ADGRV1: variants seen among roughly 807,000 people sequenced by gnomAD.
ADGRV1 encodes G-protein coupled receptor 98.
A neutral mutation model predicts 596.2 loss-of-function variants in ADGRV1; 359 were observed. That is an observed-to-expected ratio of 0.60 (90% CI 0.55 to 0.66). ADGRV1 has a LOEUF of 0.66. ADGRV1 is among the 30% of genes least tolerant of loss of function. The pLI is 0.00. For missense variants in ADGRV1, 7,274 were observed against 7,575.6 expected (o/e 0.96, Z 1.48); for synonymous variants, 2,681 against 2,679.2 (o/e 1.00, Z -0.02).
chr5:90,724,164 A>G (rs1318417274), intron 45 of ADGRV1, among the ~76,000 whole-genome samples: 1 of 152,180 alleles, frequency 6.6e-6, no homozygotes, highest in Admixed American at 6.5e-5. Context: ...TTATATTTTC[A>G]TCAGCTTTAC....
chr5:90,833,891 CTCT>C (rs1297071481), intron 77 of ADGRV1, among the ~76,000 whole-genome samples: 7 of 152,202 alleles, frequency 4.6e-5, no homozygotes, highest in African/African-American at 1.7e-4. Context: ...TTATATCATT[CTCT>C]TGTCTGATTG....
At position 91,147,782 on chromosome 5, in the gene ADGRV1, G is replaced by A. The variant is rs189451872; in HGVS notation, c.18433-2248G>A. 2.0e-5 allele frequency among the ~76,000 whole-genome samples: 3 copies of A among 152,268 alleles called. No homozygotes were observed. In the East Asian group the frequency reaches 5.8e-4, roughly 29 times the overall value. On this transcript the variant is annotated intron_variant, in intron 87 of 89. Transcript: ENST00000405460. ...TAAAGCTATCCAAAAATGTGGAAGC[G>A]CCGTTGGAACTAGGTAACAGGCAGA... is the stretch of plus-strand genomic sequence containing the variant.
intron 37 of ADGRV1, 114 bp from the exon 38 acceptor site, chr5:90,706,117 G>A (rs892631761): frequency 3.6e-5 from 28 of 781,926 alleles, no homozygotes; most frequent in African/African-American, 3.5e-4. Flanking sequence ...GAGGAATTGG[G>A]ACCAATAATA....
rs748905721 is a variant in ADGRV1, at chr5:90,763,263, G to GT, written c.12121-31dup. ...TCTACTTGTTTATCCTGCTCTTTTT[G>GT]TTTTTTTTTTTGTTTGGCCTTACTG... On this transcript the variant is annotated intron_variant, in intron 58 of 89. Coordinates refer to ENST00000405460, the MANE Select transcript of ADGRV1 (RefSeq NM_032119.4). 0.083 allele frequency: 79,000 copies of GT among 952,854 alleles called. 56 individuals carry two copies. The highest frequency in any genetic ancestry group is 0.086 in the Non-Finnish European group (60,498 of 703,478). 59.0% of individuals were successfully genotyped at this position (952,854 alleles called of 1,614,324 possible).
intron 85 of ADGRV1, among the ~76,000 whole-genome samples, chr5:91,020,167 CTGAG>C (rs1783517086): frequency 6.6e-6 from 1 of 152,112 alleles, no homozygotes; most frequent in South Asian, 2.1e-4. Context: ...TACATTATTT[CTGAG>C]TAAGTCCCAG....
Position 90,725,153 on chromosome 5 carries a change from T to C in ADGRV1, c.9974T>C (p.Ile3325Thr), listed in dbSNP as rs757363536. 6.5e-7 allele frequency: 1 copy of C among 1,547,982 alleles called. No individual in the cohort carries two copies. The highest frequency in any genetic ancestry group is 8.8e-7 in the Non-Finnish European group (1 of 1,138,652). Residue 3325 changes from isoleucine to threonine, a missense_variant, in exon 47 of 90, where the codon ATT (isoleucine) becomes ACT (threonine). Ile to Thr is a moderately conservative substitution (Grantham distance 89). Transcript: ENST00000405460. The part of the protein sequence containing the change: ...FNIGFSPYFV[I>T]THEERNEEKP... ...ATTGGTTTTTCTCCCTACTTTGTGA[T>C]TACTCATGAAGAAAGAAATGAAGAA... is the stretch of plus-strand genomic sequence containing the variant.
chr5:91,071,984 C>A (rs1562178192), intron 85 of ADGRV1, among the ~76,000 whole-genome samples: 1 of 152,038 alleles, frequency 6.6e-6, no homozygotes, highest in Non-Finnish European at 1.5e-5. Flanking sequence ...GCCTATAATC[C>A]TTATTTTAAA....
intron 85 of ADGRV1, among the ~76,000 whole-genome samples, chr5:91,029,433 T>C (rs1392638924): frequency 6.6e-6 from 1 of 152,204 alleles, no homozygotes; most frequent in Non-Finnish European, 1.5e-5. Context: ...TAAACAGTAG[T>C]TCAATGAACA....
chr5:90,665,276 T>C (rs1336915742), intron 21 of ADGRV1, among the ~76,000 whole-genome samples: 1 of 151,986 alleles, frequency 6.6e-6, no homozygotes, highest in Admixed American at 6.6e-5. Context: ...TATTGATTAT[T>C]GCCACAATTT....
rs199971448 is a variant in ADGRV1, at chr5:90,727,100, G to GC, written c.10161+1444_10161+1445insC. ...CTTCCTTGATTACTCCTTTTTATTA[G>GC]TGGGGGGGATGGGGTCTGGCTCTGT... On this transcript the variant is annotated intron_variant, in intron 48 of 89. Coordinates refer to ENST00000405460, the MANE Select transcript of ADGRV1 (RefSeq NM_032119.4). 5.9e-3 allele frequency among the ~76,000 whole-genome samples: 902 copies of GC among 152,076 alleles called. 8 individuals are homozygous for GC. Among genetic ancestry groups the GC allele is most frequent in the Non-Finnish European group, 0.01 (690 of 67,968 alleles).
At chr5:90,797,429 A>G (rs1256723440) in intron 70 of ADGRV1, among the ~76,000 whole-genome samples, 2 of 152,164 alleles carry the variant, frequency 1.3e-5, no homozygotes, top group African/African-American at 2.4e-5. Context: ...AGAGCTAACT[A>G]TCTTAAATAT....
At chr5:90,942,752 G>T (rs956620578) in intron 83 of ADGRV1, among the ~76,000 whole-genome samples, 3 of 152,114 alleles carry the variant, frequency 2.0e-5, no homozygotes, top group African/African-American at 7.2e-5. Context: ...ACGATTGTGT[G>T]AAGTACCTGG....
chr5:91,090,866 T>A (rs962098037), intron 86 of ADGRV1, among the ~76,000 whole-genome samples: 1 of 152,094 alleles, frequency 6.6e-6, no homozygotes, highest in African/African-American at 2.4e-5. Flanking sequence ...CTATTTTACA[T>A]GGAATAGGAT....
rs770485484 is a variant in ADGRV1 at position 90,781,506 on chromosome 5, C to T, written c.13159C>T (p.Arg4387Cys). 2.2e-5 allele frequency: 35 copies of T among 1,610,732 alleles called. No homozygotes were observed. The highest frequency in any genetic ancestry group is 1.7e-4 in the Middle Eastern group (1 of 6,028). The change falls in exon 65 of 90, where the codon CGC becomes TGC. Residue 4387 changes from arginine (R) to cysteine (C), a missense_variant. By Grantham distance (180) the Arg-to-Cys change is radical. Coordinates refer to ENST00000405460, the MANE Select transcript of ADGRV1 (RefSeq NM_032119.4). Reference protein sequence around the residue: ...PPEIGNISIVRIIIMKNDNAE... With the variant: ...PPEIGNISIVCIIIMKNDNAE... Reference sequence around the variant, plus strand: ...TGAAATAGGAAACATCTCCATTGTTCGCATCATAATAATGAAAAATGATAA... The same window carrying T: ...TGAAATAGGAAACATCTCCATTGTTTGCATCATAATAATGAAAAATGATAA...
At chr5:90,955,248 G>A (rs900269240) in intron 83 of ADGRV1, among the ~76,000 whole-genome samples, 6 of 152,004 alleles carry the variant, frequency 3.9e-5, no homozygotes, top group South Asian at 4.2e-4. Flanking sequence ...ATAACAGCCC[G>A]AACTGACTCA....
chr5:91,089,964 A>G (rs1051581782), intron 86 of ADGRV1, among the ~76,000 whole-genome samples: 12 of 152,232 alleles, frequency 7.9e-5, no homozygotes, highest in African/African-American at 2.9e-4. Context: ...TAATGTAGTT[A>G]GAAAACTAGG....
intron 76 of ADGRV1, among the ~76,000 whole-genome samples, chr5:90,827,452 C>A (rs908753402): frequency 2.0e-5 from 3 of 152,092 alleles, no homozygotes; most frequent in African/African-American, 7.2e-5. Flanking sequence ...TAGATTATAA[C>A]ATATTATTTT....
Position 90,745,798 on chromosome 5 carries a change from A to G in ADGRV1, c.10974+3A>G. The G allele has an allele frequency of 6.6e-7, 1 of 1,525,212 alleles. No individual in the cohort carries two copies. 94.5% of individuals were successfully genotyped at this position (1,525,212 alleles called of 1,614,324 possible). On this transcript the variant is annotated splice_donor_region_variant and intron_variant, in intron 52 of 89. Coordinates refer to ENST00000405460, the MANE Select transcript of ADGRV1 (RefSeq NM_032119.4). ...ATGGAATTGTTGCATTTGCTCAGGT[A>G]ATGATACTGAAGACCCCACACTTGC...
intron 31 of ADGRV1, 71 bp downstream of exon 31, chr5:90,691,112 C>A: frequency 6.4e-7 from 1 of 1,560,676 alleles, no homozygotes; most frequent in Non-Finnish European, 8.8e-7. Context: ...AACAGATGGC[C>A]ATTGTAACAT....
Sources: allele counts gnomAD v4.1 joint callset (sites outside exome capture counted in the v4.1 genomes callset), GRCh38; gene constraint gnomAD v4.1.1; transcripts MANE v1.5; gene names NCBI Gene and HGNC (gene_info 2026-07-23, HGNC 2026-07-21).